The following NSUN2 variants were observed in gnomAD, a reference collection of about 807,000 sequenced individuals.
NSUN2 encodes the protein RNA cytosine C(5)-methyltransferase NSUN2.
A neutral mutation model predicts 92.7 loss-of-function variants in NSUN2; 63 were observed. That is an observed-to-expected ratio of 0.68 (90% CI 0.56 to 0.84). The LOEUF (loss-of-function observed/expected upper bound fraction) is 0.84. Among genes scored for constraint, NSUN2 ranks in the 40% least tolerant of loss-of-function variants. The pLI is 0.00. For synonymous variants in NSUN2, 356 were observed against 348.3 expected (o/e 1.02, Z -0.25); for missense variants, 989 against 964.9 (o/e 1.02, Z -0.33).
At chr5:6,623,371 A>G in intron 4 of NSUN2, 86 bp from the exon 5 acceptor site, 1 of 1,090,330 alleles carries the variant, frequency 9.2e-7, no homozygotes, top group South Asian at 1.5e-5. Context: ...TTTCAAAGGC[A>G]ACAGGAAAAC....
chr5:6,604,779 T>C (rs566528916), intron 15 of NSUN2, 94 bp from the exon 16 acceptor site: 10 of 1,039,884 alleles, frequency 9.6e-6, no homozygotes, highest in South Asian at 6.6e-5. Context: ...CGTCACGGAA[T>C]GGGAAAGGAG....
chr5:6,632,105 T>C, intron 2 of NSUN2, 128 bp from the exon 3 acceptor site: 1 of 702,428 alleles, frequency 1.4e-6, no homozygotes, highest in Non-Finnish European at 2.4e-6. Context: ...AAACATTCTT[T>C]AGTCACTACT....
chr5:6,607,503 G>A (rs1736825848), intron 12 of NSUN2, 119 bp from the exon 13 acceptor site: 2 of 857,298 alleles, frequency 2.3e-6, no homozygotes, highest in Non-Finnish European at 3.6e-6. Context: ...AGCATTATAT[G>A]TAGAGAAAGA....
intron 6 of NSUN2, chr5:6,620,966 A>C (rs1435251293): frequency 2.0e-5 from 3 of 152,232 alleles, no homozygotes; most frequent in Non-Finnish European, 2.9e-5. Context: ...AACAACTAAA[A>C]ACAGGGAAAA....
chr5:6,621,537 A>C (rs1055145281), intron 6 of NSUN2: 1 of 152,388 alleles, frequency 6.6e-6, no homozygotes, highest in Admixed American at 6.5e-5. Flanking sequence ...TCACGAGGTC[A>C]GGAGATCGAG....
chr5:6,600,384 CG>C lies in NSUN2; in HGVS notation c.1998-153del, dbSNP rs572086381. 386 of 623,218 alleles carry C rather than the reference CG, an allele frequency of 6.2e-4. 2 individuals are homozygous for C. In the East Asian group the frequency reaches 0.01, roughly 16 times the overall value. 38.6% of individuals were successfully genotyped at this position (623,218 alleles called of 1,614,324 possible). On this transcript the variant is annotated intron_variant, in intron 18 of 18. Transcript: ENST00000264670. ...ACTGGGAGGACATTTCATCTGGATC[CG>C]AGGGGTAGGTTTTCTCAAAGGACTT... is the stretch of plus-strand genomic sequence containing the variant.
At chr5:6,608,640 T>C (rs1433115002) in intron 12 of NSUN2, among the ~76,000 whole-genome samples, 1 of 152,216 alleles carries the variant, frequency 6.6e-6, no homozygotes, top group East Asian at 1.9e-4. Flanking sequence ...TGTCAAAACC[T>C]TTCTATGTAA....
intron 18 of NSUN2, 34 bp downstream of exon 18, chr5:6,602,427 T>C (rs1395934447): frequency 1.2e-6 from 2 of 1,604,158 alleles, no homozygotes; most frequent in African/African-American, 1.3e-5. Context: ...TGACAAGGCG[T>C]GTGTGTCTAA....
At chr5:6,614,571 T>G (rs888629249) in intron 9 of NSUN2, among the ~76,000 whole-genome samples, 1 of 152,126 alleles carries the variant, frequency 6.6e-6, no homozygotes, top group Non-Finnish European at 1.5e-5. Context: ...GAGAGACCCA[T>G]GGGAATGAGA....
chr5:6,609,583 C>T (rs952478731), intron 12 of NSUN2, among the ~76,000 whole-genome samples: 1 of 152,174 alleles, frequency 6.6e-6, no homozygotes, highest in Non-Finnish European at 1.5e-5. Context: ...ACTGGATTTA[C>T]AGTGTGGCAG....
At chr5:6,607,864 C>T (rs577517860) in intron 12 of NSUN2, among the ~76,000 whole-genome samples, 44 of 152,200 alleles carry the variant, frequency 2.9e-4, no homozygotes, top group Non-Finnish European at 6.5e-4. Flanking sequence ...GAGAGTGCCC[C>T]AGGCACCAAG....
In NSUN2 at chr5:6,601,042, T is replaced by C. The variant is rs550190005; in HGVS notation, c.1998-810A>G. Reference sequence around the variant, plus strand: ...CTTTCATACGGGACTCTGACCTAGATTTTAGGCTCCTAACGGCCGTGTTTA... The same window carrying C: ...CTTTCATACGGGACTCTGACCTAGACTTTAGGCTCCTAACGGCCGTGTTTA... On this transcript the variant is annotated intron_variant, in intron 18 of 18. Coordinates refer to ENST00000264670, the MANE Select transcript of NSUN2 (RefSeq NM_017755.6). Among the ~76,000 whole-genome samples the C allele has an allele frequency of 4.5e-4, 68 of 152,302 alleles. 1 individual carries two copies. Among genetic ancestry groups the C allele is most frequent in the Admixed American group, 3.7e-3 (57 of 15,302 alleles).
chr5:6,618,039 T>C lies in NSUN2; in HGVS notation c.816-15A>G, dbSNP rs1045948598. 1.4e-5 allele frequency: 22 copies of C among 1,598,742 alleles called. No individual in the cohort carries two copies. The highest frequency in any genetic ancestry group is 1.8e-5 in the Non-Finnish European group (21 of 1,166,482). On this transcript the variant is annotated splice_polypyrimidine_tract_variant and intron_variant, in intron 7 of 18. Coordinates refer to ENST00000264670, the MANE Select transcript of NSUN2 (RefSeq NM_017755.6). ...TGCCGTCTCCACTGGAAAAAAGATA[T>C]TTATGAGTGCAAAGCTCCCTACAGG...
intron 11 of NSUN2, 90 bp from the exon 12 acceptor site, chr5:6,610,012 G>C: frequency 1.2e-6 from 1 of 861,298 alleles, no homozygotes; most frequent in Non-Finnish European, 1.8e-6. Context: ...TGATACAAGA[G>C]AAAAATCATG....
chr5:6,632,170 G>A (rs1737938087), intron 2 of NSUN2, among the ~76,000 whole-genome samples, 193 bp from the exon 3 acceptor site: 1 of 151,708 alleles, frequency 6.6e-6, no homozygotes, highest in South Asian at 2.1e-4. Context: ...AGCCCTAAGA[G>A]CAACACTGCA....
At chr5:6,631,448 C>G (rs1737888538) in intron 3 of NSUN2, among the ~76,000 whole-genome samples, 1 of 151,952 alleles carries the variant, frequency 6.6e-6, no homozygotes, top group Non-Finnish European at 1.5e-5. Flanking sequence ...CAGGAGACAA[C>G]CTGACAGCAG....
chr5:6,627,022 C>T (rs1737682434), intron 3 of NSUN2, among the ~76,000 whole-genome samples: 1 of 152,152 alleles, frequency 6.6e-6, no homozygotes, highest in Non-Finnish European at 1.5e-5. Flanking sequence ...ACAAAATATA[C>T]CTGAAAAGCA....
At chr5:6,610,254 T>C (rs967940012) in intron 11 of NSUN2, among the ~76,000 whole-genome samples, 2 of 152,012 alleles carry the variant, frequency 1.3e-5, no homozygotes, top group African/African-American at 4.8e-5. Context: ...CTTTTTTTTT[T>C]TCTGTAGAGA....
At chr5:6,611,538 T>C (rs571478999) in intron 10 of NSUN2, among the ~76,000 whole-genome samples, 187 bp downstream of exon 10, 2 of 149,450 alleles carry the variant, frequency 1.3e-5, no homozygotes, top group Non-Finnish European at 1.5e-5. Flanking sequence ...ACTTTTCCAC[T>C]GCCAGGAATA....
Sources: allele counts gnomAD v4.1 joint callset (sites outside exome capture counted in the v4.1 genomes callset), GRCh38; gene constraint gnomAD v4.1.1; transcripts MANE v1.5; gene names NCBI Gene and HGNC (gene_info 2026-07-23, HGNC 2026-07-21).